ESR2: variants seen among roughly 807,000 people sequenced by gnomAD.
ESR2 encodes the protein estrogen receptor beta.
In ESR2, 36 loss-of-function variants were observed where a neutral mutation model predicts 49.6. The observed-to-expected ratio is 0.73, with a 90% CI of 0.56 to 0.96. ESR2 has a LOEUF of 0.96. Ranked by LOEUF, ESR2 falls within the 40% of genes least tolerant of loss-of-function variation. The probability of loss-of-function intolerance (pLI) is 0.00; values close to 1 mark genes in which losing one functional copy is unlikely to be tolerated. For synonymous variants in ESR2, 320 were observed against 266.1 expected (o/e 1.20, Z -1.97); for missense variants, 714 against 693.0 (o/e 1.03, Z -0.34).
At chr14:64,249,174 G>C (rs182704579) in intron 7 of ESR2, among the ~76,000 whole-genome samples, 1 of 152,042 alleles carries the variant, frequency 6.6e-6, no homozygotes, top group Non-Finnish European at 1.5e-5. Context: ...TTTACTGAAC[G>C]AATGAATCTG....
upstream of ESR2, among the ~76,000 whole-genome samples, chr14:64,298,841 A>G (rs1263085929): frequency 1.3e-5 from 2 of 152,198 alleles, no homozygotes; most frequent in Admixed American, 6.5e-5. Flanking sequence ...AATCCCTTGC[A>G]TACCTTAAGT....
chr14:64,299,483 C>A (rs533685169), intron 1 of ESR2, among the ~76,000 whole-genome samples: 2 of 151,698 alleles, frequency 1.3e-5, no homozygotes, highest in Non-Finnish European at 2.9e-5. Context: ...CCTCAGCCCC[C>A]CAAGTAGCTG....
chr14:64,226,826 G>C (rs1355219847), downstream of ESR2: 1 of 151,956 alleles, frequency 6.6e-6, no homozygotes, highest in African/African-American at 2.4e-5. Context: ...GAGTAGCTGG[G>C]ATTACAAGCA....
chr14:64,240,145 G>A (rs762731153), intron 7 of ESR2, among the ~76,000 whole-genome samples: 22 of 152,258 alleles, frequency 1.4e-4, no homozygotes, highest in African/African-American at 3.1e-4. Context: ...CTGACAAACC[G>A]CGACCTGGCC....
intron 1 of ESR2, among the ~76,000 whole-genome samples, chr14:64,322,144 C>T (rs971105327): frequency 6.6e-6 from 1 of 152,098 alleles, no homozygotes; most frequent in African/African-American, 2.4e-5. Flanking sequence ...CTGCAACCTC[C>T]GCCTCCTGGG....
chr14:64,286,058 A>T (rs190737017), intron 1 of ESR2, among the ~76,000 whole-genome samples: 3 of 152,252 alleles, frequency 2.0e-5, no homozygotes, highest in African/African-American at 7.2e-5. Context: ...GACTTCAAGG[A>T]GTTCTGGGAC....
At chr14:64,337,801 A>T (rs1157906011) in intron 1 of ESR2, 1 of 152,240 alleles carries the variant, frequency 6.6e-6, no homozygotes, top group East Asian at 1.9e-4. Flanking sequence ...TCTGTTTTAC[A>T]TGAGCTCTGC....
At chr14:64,257,901 T>C (rs2076136033) in intron 5 of ESR2, among the ~76,000 whole-genome samples, 1 of 152,172 alleles carries the variant, frequency 6.6e-6, no homozygotes, top group East Asian at 1.9e-4. Context: ...TTCTTCTGGG[T>C]AGAAGCACTG....
upstream of ESR2, among the ~76,000 whole-genome samples, chr14:64,297,896 T>C (rs1484628485): frequency 6.6e-6 from 1 of 152,196 alleles, no homozygotes; most frequent in African/African-American, 2.4e-5. Flanking sequence ...CAGAGTGTTA[T>C]AGGAACAAGC....
At position 64,271,101 on chromosome 14, in the gene ESR2, A is replaced by T. The variant is rs116476751; in HGVS notation, c.536-2190T>A. ...GGCCCAATTTTATTAAAATACTTTG[A>T]TTTATCATCTTTTTTTTTTTCCGAG... On this transcript the variant is annotated intron_variant, in intron 3 of 8. Coordinates refer to ENST00000341099, the MANE Select transcript of ESR2 (RefSeq NM_001437.3). Among the ~76,000 whole-genome samples, 273 of 151,774 alleles carry T rather than the reference A, an allele frequency of 1.8e-3. 1 individual carries two copies. Among genetic ancestry groups the T allele is most frequent in the African/African-American group, 6.3e-3 (261 of 41,418 alleles).
intron 1 of ESR2, among the ~76,000 whole-genome samples, chr14:64,288,348 CTTTT>C (rs10560135): frequency 1.4e-4 from 19 of 131,348 alleles, no homozygotes; most frequent in South Asian, 2.4e-4. Flanking sequence ...AAAGACTACA[CTTTT>C]TTTTTTTTTT....
At chr14:64,274,795 A>G (rs2076523530) in intron 3 of ESR2, among the ~76,000 whole-genome samples, 1 of 152,036 alleles carries the variant, frequency 6.6e-6, no homozygotes, top group Non-Finnish European at 1.5e-5. Context: ...AGGTTTTGGT[A>G]TGTTGTTTCC....
At chr14:64,257,401 C>CT (rs2076125705) in intron 5 of ESR2, 37 bp from the exon 6 acceptor site, 1 of 1,610,742 alleles carries the variant, frequency 6.2e-7, no homozygotes, top group South Asian at 1.1e-5. Context: ...ACCCCCACCC[C>CT]TCCTCCTCAG....
intron 1 of ESR2, among the ~76,000 whole-genome samples, chr14:64,299,642 G>A (rs188434694): frequency 9.2e-5 from 14 of 152,216 alleles, no homozygotes; most frequent in Non-Finnish European, 1.5e-4. Context: ...GATTACAGGC[G>A]TCAGCCACCG....
At chr14:64,279,556 T>C (rs538713048) in intron 3 of ESR2, among the ~76,000 whole-genome samples, 1 of 152,208 alleles carries the variant, frequency 6.6e-6, no homozygotes, top group South Asian at 2.1e-4. Context: ...TTCTGACCAT[T>C]TCCAAAAAAT....
intron 1 of ESR2, among the ~76,000 whole-genome samples, chr14:64,322,340 T>C (rs1276087576): frequency 6.6e-6 from 1 of 152,176 alleles, no homozygotes. Context: ...ATTACAGGCA[T>C]GTGCCACTGC....
intron 2 of ESR2, 50 bp from the exon 3 acceptor site, chr14:64,280,203 AGG>A: frequency 7.6e-7 from 1 of 1,323,774 alleles, no homozygotes; most frequent in Non-Finnish European, 1.0e-6. Flanking sequence ...AGGGAAAGGA[AGG>A]GCTTTCTAGG....
intron 1 of ESR2, among the ~76,000 whole-genome samples, chr14:64,288,515 T>A (rs917796847): frequency 2.0e-5 from 3 of 151,760 alleles, no homozygotes; most frequent in Admixed American, 6.6e-5. Context: ...GCCCAGCTAA[T>A]TTTTTCTATT....
At chr14:64,264,143 G>A (rs2140742769) in intron 4 of ESR2, among the ~76,000 whole-genome samples, 1 of 152,234 alleles carries the variant, frequency 6.6e-6, no homozygotes, top group East Asian at 1.9e-4. Context: ...CCTAAAAGTT[G>A]AAATCTGCAA....
Sources: allele counts gnomAD v4.1 joint callset (sites outside exome capture counted in the v4.1 genomes callset), GRCh38; gene constraint gnomAD v4.1.1; transcripts MANE v1.5; gene names NCBI Gene and HGNC (gene_info 2026-07-23, HGNC 2026-07-21).